The following FN3K variants were observed in gnomAD, a reference collection of about 807,000 sequenced individuals.
FN3K encodes fructosamine 3 kinase.
Under a neutral mutation model 24.8 loss-of-function variants are expected in FN3K, and 24 were observed. The observed-to-expected ratio is 0.97, with a 90% confidence interval of 0.70 to 1.36. The LOEUF (loss-of-function observed/expected upper bound fraction) is 1.36, where lower values mean the gene tolerates loss of function less well. Among genes scored for constraint, FN3K ranks in the 40% most tolerant of loss-of-function variants. The probability of loss-of-function intolerance (pLI) is 0.00; values close to 1 mark genes in which losing one functional copy is unlikely to be tolerated. For synonymous variants in FN3K, 192 were observed against 175.2 expected (o/e 1.10, Z -0.76); for missense variants, 449 against 416.7 (o/e 1.08, Z -0.67).
chr17:82,741,996 C>T (rs1024049597), intron 4 of FN3K, among the ~76,000 whole-genome samples: 1 of 152,188 alleles, frequency 6.6e-6, no homozygotes, highest in Non-Finnish European at 1.5e-5. Context: ...CAACATCGGC[C>T]TCCTGGGTTC....
chr17:82,741,918 T>A (rs1374569252), intron 4 of FN3K, among the ~76,000 whole-genome samples: 1 of 152,224 alleles, frequency 6.6e-6, no homozygotes, highest in Non-Finnish European at 1.5e-5. Flanking sequence ...TTCTTTTTTA[T>A]TTTTTTGAGA....
intron 5 of FN3K, 122 bp downstream of exon 5, chr17:82,749,099 A>C: frequency 7.8e-7 from 1 of 1,286,064 alleles, no homozygotes; most frequent in Non-Finnish European, 1.1e-6. Context: ...AGCACACATC[A>C]GGGAGGAAGG....
chr17:82,749,497 GTACTAAAAA>G (rs1270672494), intron 5 of FN3K: 1 of 239,816 alleles, frequency 4.2e-6, no homozygotes, highest in Non-Finnish European at 8.3e-6. Context: ...AACCCTGTCT[GTACTAAAAA>G]TGCAAAAATT....
Position 82,750,458 on chromosome 17 carries a change from C to G in FN3K, c.633C>G (p.Pro211=). 4 of 1,614,178 alleles carry G rather than the reference C, an allele frequency of 2.5e-6. No individual in the cohort carries two copies. The highest frequency in any genetic ancestry group is 1.7e-5 in the Admixed American group (1 of 60,026). Residue 211 remains proline, a synonymous_variant, in exon 6 of 6, where the codon CCC becomes CCG. Transcript: ENST00000300784. ...TGTTTTGTGGCCTAGAGATTGTCCC[C>G]GCGTTGCTCCACGGGGATCTCTGGT... is the stretch of plus-strand genomic sequence containing the variant. ...PDLFCGLEIV[P]ALLHGDLWSG...
intron 1 of FN3K, 168 bp from the exon 2 acceptor site, chr17:82,738,321 G>GT: frequency 2.4e-6 from 2 of 820,268 alleles, no homozygotes; most frequent in Non-Finnish European, 3.8e-6. Context: ...TCCGACGGGG[G>GT]GCCCCTCTGC....
rs559000346 is a variant in FN3K at position 82,740,764 on chromosome 17, C to G, written c.295C>G (p.Gln99Glu). ...EHLKMKSLSS[Q>E]ASKLGEQMAD... is the part of the protein sequence containing the mutation. ...TAGCTGCATTTCTTCTTTCCTCAGTCAAGCATCAAAACTTGGAGAGCAGAT... is the reference window on the plus strand; with the variant it reads ...TAGCTGCATTTCTTCTTTCCTCAGTGAAGCATCAAAACTTGGAGAGCAGAT... Residue 99 changes from glutamine (Q) to glutamate (E), a missense_variant and splice_region_variant, in exon 3 of 6, where the codon CAA (glutamine) becomes GAA (glutamate). Transcript: ENST00000300784. 2 of 1,611,050 alleles carry G rather than the reference C, an allele frequency of 1.2e-6. No individual in the cohort carries two copies. The highest frequency in any genetic ancestry group is 1.3e-5 in the African/African-American group (1 of 75,012).
At chr17:82,750,057 C>T (rs1342561552) in intron 5 of FN3K, among the ~76,000 whole-genome samples, 10 of 152,084 alleles carry the variant, frequency 6.6e-5, no homozygotes, top group African/African-American at 2.4e-4. Context: ...GATTCCCTCT[C>T]AAAGAAAAAA....
chr17:82,735,633 C>T lies in FN3K; in HGVS notation c.-4C>T. Reference sequence around the variant, plus strand: ...AGCGAGCAGAGTCCCGCGCCCCGCACTCCATGGAGCAGCTGCTGCGCGCCG... The same window carrying T: ...AGCGAGCAGAGTCCCGCGCCCCGCATTCCATGGAGCAGCTGCTGCGCGCCG... On this transcript the variant is annotated 5_prime_UTR_variant, in exon 1 of 6. Transcript: ENST00000300784. 4 of 1,526,864 alleles carry T rather than the reference C, an allele frequency of 2.6e-6. No homozygotes were observed. Among genetic ancestry groups the T allele is most frequent in the South Asian group, 2.4e-5 (2 of 82,208 alleles). 94.6% of individuals were successfully genotyped at this position (1,526,864 alleles called of 1,614,324 possible). A position where few individuals can be genotyped will look rare whatever the true frequency, so the allele number is the denominator to read the frequency against.
Position 82,738,560 on chromosome 17 carries a change from G to A in FN3K, c.213G>A (p.Pro71=), listed in dbSNP as rs150907420. 9.8e-5 allele frequency: 158 copies of A among 1,613,064 alleles called. No individual in the cohort carries two copies. The African/African-American group carries it at 1.4e-3, about 14-fold the overall frequency. ...ALRSTGLVRV[P]RPMKVIDLPG... is the part of the protein sequence containing the mutation. ...GGAGCACGGGCCTGGTGCGGGTGCC[G>A]AGGCCCATGAAGGTCATCGACCTGC... Residue 71 remains proline, a synonymous_variant, in exon 2 of 6, where the codon CCG becomes CCA. Coordinates refer to ENST00000300784, the MANE Select transcript of FN3K (RefSeq NM_022158.4).
intron 4 of FN3K, among the ~76,000 whole-genome samples, chr17:82,743,061 A>G (rs914916883): frequency 2.6e-5 from 4 of 152,054 alleles, no homozygotes; most frequent in Admixed American, 6.5e-5. Context: ...TCTCAGCCAC[A>G]GCTGGCTCCC....
chr17:82,738,946 ATTTTTTT>A (rs539276396), intron 2 of FN3K, among the ~76,000 whole-genome samples: 3 of 86,138 alleles, frequency 3.5e-5, no homozygotes, highest in South Asian at 9.0e-4. Flanking sequence ...ATATATATAT[ATTTTTTT>A]TTTTTTTGAA....
chr17:82,741,513 G>T, intron 4 of FN3K, 120 bp downstream of exon 4: 1 of 944,394 alleles, frequency 1.1e-6, no homozygotes. Context: ...TCTGAAAGCA[G>T]AGTAGAAGCT....
At chr17:82,741,542 A>T (rs2046941373) in intron 4 of FN3K, 149 bp downstream of exon 4, 2 of 734,006 alleles carry the variant, frequency 2.7e-6, no homozygotes, top group African/African-American at 1.7e-5. Flanking sequence ...TGGAATGGGG[A>T]GAGCAGACGC....
At chr17:82,741,247 G>C (rs2046939566) in intron 3 of FN3K, 64 bp from the exon 4 acceptor site, 1 of 1,451,592 alleles carries the variant, frequency 6.9e-7, no homozygotes. Flanking sequence ...CTGATGCTCT[G>C]CTGAGGTCTG....
chr17:82,746,941 C>T (rs2046972087), intron 4 of FN3K, among the ~76,000 whole-genome samples: 1 of 152,054 alleles, frequency 6.6e-6, no homozygotes, highest in Non-Finnish European at 1.5e-5. Flanking sequence ...TCTCCTGTCT[C>T]AGTCTCCCAA....
chr17:82,735,785 C>T lies in FN3K; in HGVS notation c.141+8C>T. On this transcript the variant is annotated splice_region_variant and intron_variant, in intron 1 of 5. Coordinates refer to ENST00000300784, the MANE Select transcript of FN3K (RefSeq NM_022158.4). ...GTCAACCGCAGGACGCAGGTGCTGG[C>T]CCGTGCGCAGGCGGGGGCTCTGCGG... The T allele has an allele frequency of 1.9e-6, 3 of 1,557,666 alleles. No homozygotes were observed. The highest frequency in any genetic ancestry group is 2.1e-4 in the Middle Eastern group (1 of 4,690).
At position 82,741,309 on chromosome 17, in the gene FN3K, A is replaced by C. The variant is rs778774730; in HGVS notation, c.386-2A>C. On this transcript the variant is annotated splice_acceptor_variant, in intron 3 of 5. Coordinates refer to ENST00000300784, the MANE Select transcript of FN3K (RefSeq NM_022158.4). LOFTEE classifies it high-confidence loss of function. ...CTTCAGGCCAAGGATCTCTGTCAAC[A>C]GGCCGAAGAGGTGAGGGTGCTGAGC... The C allele has an allele frequency of 6.2e-7, 1 of 1,613,412 alleles. No individual in the cohort carries two copies. The highest frequency in any genetic ancestry group is 1.3e-5 in the African/African-American group (1 of 74,918).
intron 3 of FN3K, 177 bp from the exon 4 acceptor site, chr17:82,741,134 T>G: frequency 1.4e-6 from 1 of 705,712 alleles, no homozygotes; most frequent in Non-Finnish European, 2.5e-6. Flanking sequence ...CTAGTGTGCT[T>G]GAGGTAGGAG....
At chr17:82,742,715 C>G (rs1004061895) in intron 4 of FN3K, 5 of 456,120 alleles carry the variant, frequency 1.1e-5, no homozygotes, top group African/African-American at 1.0e-4. Flanking sequence ...CCCTGTGCTT[C>G]TCTTGAAGAA....
Sources: allele counts gnomAD v4.1 joint callset (sites outside exome capture counted in the v4.1 genomes callset), GRCh38; gene constraint gnomAD v4.1.1; transcripts MANE v1.5; gene names NCBI Gene and HGNC (gene_info 2026-07-23, HGNC 2026-07-21).